Variants in DAPL1 observed in about 807,000 individuals in gnomAD.
DAPL1 encodes death associated protein like 1, also known as death-associated protein-like 1.
Under a neutral mutation model 12.9 loss-of-function variants are expected in DAPL1, and 17 were observed. The observed-to-expected ratio is 1.32, with a 90% CI of 0.90 to 1.98. The LOEUF is 1.98. DAPL1 is among the 30% of genes most tolerant of loss of function. DAPL1 has a pLI of 0.00. For synonymous variants in DAPL1, 51 were observed against 42.0 expected (o/e 1.21, Z -0.82); for missense variants, 157 against 125.7 (o/e 1.25, Z -1.19).
Position 158,806,279 on chromosome 2 carries a change from T to C in DAPL1, c.147-776T>C, listed in dbSNP as rs1024923464. On this transcript the variant is annotated intron_variant, in intron 2 of 3. Coordinates refer to ENST00000309950, the MANE Select transcript of DAPL1 (RefSeq NM_001017920.3). ...AGTGCAGAGTTTCTTCAAGACATTG[T>C]ACTGTAGATTTGGCCCTGATTGAAA... Among the ~76,000 whole-genome samples, 18 of 124,094 alleles carry C rather than the reference T, an allele frequency of 1.5e-4. 2 individuals are homozygous for C. Among genetic ancestry groups the C allele is most frequent in the African/African-American group, 2.7e-5 (1 of 37,136 alleles). 81.4% of individuals were successfully genotyped at this position (124,094 alleles called of 152,430 possible).
chr2:158,814,310 C>A (rs1360901091), intron 3 of DAPL1, among the ~76,000 whole-genome samples: 1 of 151,954 alleles, frequency 6.6e-6, no homozygotes, highest in Non-Finnish European at 1.5e-5. Flanking sequence ...GTCATCAGGT[C>A]TTTTTTAGAC....
At chr2:158,807,504 T>C (rs75859613) in intron 3 of DAPL1, among the ~76,000 whole-genome samples, 3,227 of 152,192 alleles carry the variant, frequency 0.021, 45 homozygotes, top group Non-Finnish European at 0.03. Context: ...TAAGGAGATA[T>C]TGATTTGAGG....
intron 1 of DAPL1, among the ~76,000 whole-genome samples, chr2:158,803,091 G>A (rs1050192062): frequency 6.6e-6 from 1 of 152,172 alleles, no homozygotes; most frequent in African/African-American, 2.4e-5. Flanking sequence ...AAGATGTAGA[G>A]CAATGTGTAC....
chr2:158,810,738 T>C (rs1383720045), intron 3 of DAPL1, among the ~76,000 whole-genome samples: 1 of 152,120 alleles, frequency 6.6e-6, no homozygotes, highest in Non-Finnish European at 1.5e-5. Context: ...TCCCCACCTC[T>C]TGAAGCCCTC....
At chr2:158,810,183 C>A (rs1476706102) in intron 3 of DAPL1, among the ~76,000 whole-genome samples, 1 of 151,998 alleles carries the variant, frequency 6.6e-6, no homozygotes, top group Non-Finnish European at 1.5e-5. Context: ...CAGGGTGATT[C>A]AAAAAATATA....
chr2:158,812,130 G>T (rs990986226), intron 3 of DAPL1, among the ~76,000 whole-genome samples: 12 of 152,216 alleles, frequency 7.9e-5, no homozygotes, highest in African/African-American at 2.9e-4. Context: ...TTTTCAAGTT[G>T]CTATGAAACC....
intron 3 of DAPL1, among the ~76,000 whole-genome samples, chr2:158,814,821 C>A (rs2059251539): frequency 6.6e-6 from 1 of 152,172 alleles, no homozygotes. Flanking sequence ...TGAGCTGAGG[C>A]ATTCCTTCCT....
At chr2:158,807,015 T>A (rs779692848) in intron 2 of DAPL1, 40 bp from the exon 3 acceptor site, 19 of 1,570,542 alleles carry the variant, frequency 1.2e-5, no homozygotes, top group Middle Eastern at 3.3e-4. Context: ...AGTGGGAAAA[T>A]TTTTTAAGTC....
At chr2:158,813,660 A>G (rs2059244003) in intron 3 of DAPL1, among the ~76,000 whole-genome samples, 1 of 145,614 alleles carries the variant, frequency 6.9e-6, no homozygotes, top group South Asian at 2.2e-4. Context: ...GGTTCATGCC[A>G]TTCTCCTGCC....
chr2:158,814,446 A>T (rs956088999), intron 3 of DAPL1, among the ~76,000 whole-genome samples: 1 of 152,234 alleles, frequency 6.6e-6, no homozygotes, highest in Admixed American at 6.5e-5. Context: ...AAAAGAAAAA[A>T]AATTTAGTAC....
chr2:158,801,425 C>G (rs542259897), intron 1 of DAPL1, among the ~76,000 whole-genome samples: 1 of 152,198 alleles, frequency 6.6e-6, no homozygotes, highest in Admixed American at 6.5e-5. Flanking sequence ...GAGGCACACA[C>G]GCCTCAAACA....
chr2:158,801,074 C>T (rs1021672705), intron 1 of DAPL1, among the ~76,000 whole-genome samples: 3 of 152,166 alleles, frequency 2.0e-5, no homozygotes, highest in African/African-American at 7.2e-5. Context: ...AACTCCTGAC[C>T]TCAGGTGATC....
chr2:158,807,028 G>T (rs1338102404), intron 2 of DAPL1, 27 bp from the exon 3 acceptor site: 2 of 1,606,026 alleles, frequency 1.2e-6, no homozygotes, highest in Non-Finnish European at 1.7e-6. Context: ...TTTAAGTCCT[G>T]TTCAAAGTTT....
chr2:158,805,179 T>C (rs1164443212), intron 2 of DAPL1, among the ~76,000 whole-genome samples: 1 of 152,206 alleles, frequency 6.6e-6, no homozygotes, highest in Non-Finnish European at 1.5e-5. Flanking sequence ...AGAATGGAAA[T>C]AGACTGTGGC....
At chr2:158,795,512 G>T in intron 1 of DAPL1, 82 bp downstream of exon 1, 1 of 1,338,810 alleles carries the variant, frequency 7.5e-7, no homozygotes, top group Non-Finnish European at 1.0e-6. Context: ...CACCCCGACA[G>T]ACGGAAGCTT....
At chr2:158,805,010 CA>C (rs1406082087) in intron 2 of DAPL1, among the ~76,000 whole-genome samples, 1 of 152,046 alleles carries the variant, frequency 6.6e-6, no homozygotes, top group Non-Finnish European at 1.5e-5. Context: ...CAGAGCATTC[CA>C]AAAAACAAGA....
In DAPL1 at chr2:158,815,885, GGCCAAAGCTTTCCATAGGCGT is replaced by G. The variant is rs1485296668; in HGVS notation, c.*67_*87del. Reference sequence around the variant, plus strand: ...GAATATCTGACAGCTTAGCAAAAAGGGCCAAAGCTTTCCATAGGCGTGCTGCACTTGCTTGGTAAATTAAGC... The same window carrying G: ...GAATATCTGACAGCTTAGCAAAAAGGGCTGCACTTGCTTGGTAAATTAAGC... On this transcript the variant is annotated 3_prime_UTR_variant, in exon 4 of 4. Transcript: ENST00000309950. 5.0e-6 allele frequency: 6 copies of G among 1,196,340 alleles called. No homozygotes were observed. Among genetic ancestry groups the G allele is most frequent in the Non-Finnish European group, 7.5e-6 (6 of 800,818 alleles). 74.1% of individuals were successfully genotyped at this position (1,196,340 alleles called of 1,614,324 possible). A position where few individuals can be genotyped will look rare whatever the true frequency, so the allele number is the denominator to read the frequency against.
chr2:158,807,085 A>G lies in DAPL1; in HGVS notation c.177A>G (p.Thr59=). The G allele has an allele frequency of 6.2e-7, 1 of 1,612,432 alleles. No homozygotes were observed. Among genetic ancestry groups the G allele is most frequent in the Non-Finnish European group, 8.5e-7 (1 of 1,178,904 alleles). The change falls in exon 3 of 4, where the codon ACA becomes ACG. Residue 59 remains threonine (T), a synonymous_variant. Coordinates refer to ENST00000309950, the MANE Select transcript of DAPL1 (RefSeq NM_001017920.3). ...SAIANVAKIQ[T]LDALNDALEK... is the part of the protein sequence containing the mutation. ...TTGCAAATGTTGCCAAAATACAGAC[A>G]CTGGATGCCCTGAATGACGCACTGG... is the stretch of plus-strand genomic sequence containing the variant.
intron 1 of DAPL1, among the ~76,000 whole-genome samples, chr2:158,796,818 A>G (rs2059137010): frequency 6.6e-6 from 1 of 152,214 alleles, no homozygotes; most frequent in Admixed American, 6.5e-5. Flanking sequence ...CTGTGTACAT[A>G]GCACACCATG....
Sources: allele counts gnomAD v4.1 joint callset (sites outside exome capture counted in the v4.1 genomes callset), GRCh38; gene constraint gnomAD v4.1.1; transcripts MANE v1.5; gene names NCBI Gene and HGNC (gene_info 2026-07-23, HGNC 2026-07-21).